Variants in FILIP1L observed in about 807,000 individuals in gnomAD.
FILIP1L encodes filamin A-interacting protein 1-like.
In FILIP1L, 55 loss-of-function variants were observed where a neutral mutation model predicts 96.6. That is an observed-to-expected ratio of 0.57 (90% confidence interval 0.46 to 0.71). FILIP1L has a LOEUF of 0.71. Among genes scored for constraint, FILIP1L ranks in the 30% least tolerant of loss-of-function variants. The pLI, the probability that FILIP1L is intolerant of heterozygous loss-of-function variation, is 0.00. For missense variants in FILIP1L, 1,304 were observed against 1,321.2 expected (o/e 0.99, Z 0.20); for synonymous variants, 467 against 473.9 (o/e 0.99, Z 0.19).
chr3:100,082,111 T>A (rs182021796), intron 1 of FILIP1L, among the ~76,000 whole-genome samples: 3 of 152,278 alleles, frequency 2.0e-5, no homozygotes, highest in East Asian at 3.9e-4. Flanking sequence ...TTTAGTTCAG[T>A]TCAGTCTTTA....
intron 4 of FILIP1L, among the ~76,000 whole-genome samples, chr3:99,857,521 T>TG (rs1422738345): frequency 2.2e-4 from 33 of 152,378 alleles, no homozygotes; most frequent in Middle Eastern, 6.8e-3. Flanking sequence ...TGGACAAATA[T>TG]GTTTGTTTAT....
intron 1 of FILIP1L, among the ~76,000 whole-genome samples, chr3:99,973,417 C>T (rs141603710): frequency 0.012 from 1,778 of 152,288 alleles, 19 homozygotes; most frequent in African/African-American, 0.026. Context: ...CTCTTCTAAA[C>T]ATCAAACCAC....
At chr3:100,014,891 C>CTTTTTTTTTTTTTTTTTT (rs1710284139) in intron 1 of FILIP1L, among the ~76,000 whole-genome samples, 17 of 27,220 alleles carry the variant, frequency 6.2e-4, no homozygotes, top group South Asian at 1.5e-3. Flanking sequence ...TTTTTTCTTT[C>CTTTTTTTTTTTTTTTTTT]TTTCTTTTTT....
intron 4 of FILIP1L, among the ~76,000 whole-genome samples, chr3:99,866,737 T>A (rs1005400615): frequency 6.6e-6 from 1 of 152,204 alleles, no homozygotes; most frequent in African/African-American, 2.4e-5. Context: ...CTCTTCCTAG[T>A]TCCTGAGGAT....
chr3:99,897,322 T>C (rs1176562725), intron 4 of FILIP1L, among the ~76,000 whole-genome samples: 5 of 151,970 alleles, frequency 3.3e-5, no homozygotes, highest in Non-Finnish European at 7.4e-5. Context: ...GGAGCCGAGA[T>C]TGCACCATTG....
intron 4 of FILIP1L, among the ~76,000 whole-genome samples, chr3:99,867,789 C>T (rs1268931822): frequency 6.6e-6 from 1 of 152,104 alleles, no homozygotes; most frequent in Admixed American, 6.6e-5. Context: ...TTTTATGGCT[C>T]ATCAAGTCTC....
At chr3:100,064,194 G>A (rs1293938305) in intron 1 of FILIP1L, among the ~76,000 whole-genome samples, 5 of 152,174 alleles carry the variant, frequency 3.3e-5, no homozygotes, top group Admixed American at 1.3e-4. Context: ...GTTGTCTTCC[G>A]GGAATGTATT....
chr3:99,903,471 C>T (rs1268245900), intron 4 of FILIP1L, among the ~76,000 whole-genome samples: 10 of 152,118 alleles, frequency 6.6e-5, no homozygotes, highest in Admixed American at 2.6e-4. Context: ...AGGCTGGTCT[C>T]GAACCCCTGA....
chr3:99,832,621 T>C (rs2107487020), intron 5 of FILIP1L, among the ~76,000 whole-genome samples: 1 of 142,192 alleles, frequency 7.0e-6, no homozygotes, highest in Non-Finnish European at 1.5e-5. Context: ...GGCGGGCGGA[T>C]CACTTGAGGT....
intron 5 of FILIP1L, among the ~76,000 whole-genome samples, chr3:99,837,451 A>C (rs958717539): frequency 2.0e-5 from 3 of 151,984 alleles, no homozygotes; most frequent in Admixed American, 1.3e-4. Flanking sequence ...AAAAAAAAAA[A>C]CAGCCAAACC....
Position 99,924,222 on chromosome 3 carries a change from AG to A in FILIP1L, c.605+7del, listed in dbSNP as rs1388851920. ...GAATGGGACATTGTTTGCCCAAAGC[AG>A]CCTTACCTTTCACATTCCTGTTCTA... is the stretch of plus-strand genomic sequence containing the variant. On this transcript the variant is annotated splice_region_variant and intron_variant, in intron 4 of 5. Coordinates refer to ENST00000477258, the MANE Select transcript of FILIP1L (RefSeq NM_001387850.1). 1.1e-5 allele frequency: 17 copies of A among 1,610,646 alleles called. No individual in the cohort carries two copies. The highest frequency in any genetic ancestry group is 1.3e-5 in the Non-Finnish European group (15 of 1,178,322).
In FILIP1L at chr3:100,085,964, T is replaced by C. The variant is rs181228428; in HGVS notation, c.-11+28089A>G. 2.9e-4 allele frequency among the ~76,000 whole-genome samples: 44 copies of C among 152,342 alleles called. No homozygotes were observed. In the East Asian group the frequency reaches 8.5e-3, roughly 29 times the overall value. On this transcript the variant is annotated intron_variant, in intron 1 of 5. Transcript: ENST00000477258. ...AGGTCACCACTTTTAATATAGAGGG[T>C]CATGAGTTTAGTCATTGGACAAGTT...
intron 1 of FILIP1L, among the ~76,000 whole-genome samples, chr3:100,091,040 C>T (rs2066095684): frequency 6.6e-6 from 1 of 152,168 alleles, no homozygotes; most frequent in Non-Finnish European, 1.5e-5. Context: ...AATCCCAGAA[C>T]TTTGGGAGGC....
chr3:99,863,376 C>T (rs1944356012), intron 4 of FILIP1L, among the ~76,000 whole-genome samples: 1 of 152,142 alleles, frequency 6.6e-6, no homozygotes. Flanking sequence ...GTCTTCGGCC[C>T]TGGGGTTGGG....
intron 1 of FILIP1L, among the ~76,000 whole-genome samples, chr3:100,003,085 G>A (rs1179689768): frequency 6.6e-6 from 1 of 152,072 alleles, no homozygotes; most frequent in Non-Finnish European, 1.5e-5. Flanking sequence ...CACATACTGA[G>A]GTACTGCCAT....
intron 1 of FILIP1L, among the ~76,000 whole-genome samples, chr3:99,971,396 A>G (rs1708818374): frequency 6.6e-6 from 1 of 151,812 alleles, no homozygotes; most frequent in Non-Finnish European, 1.5e-5. Context: ...CCACACAAGG[A>G]AAGAAGTCCA....
chr3:99,997,072 C>G (rs1369309704), intron 1 of FILIP1L, among the ~76,000 whole-genome samples: 1 of 152,044 alleles, frequency 6.6e-6, no homozygotes, highest in South Asian at 2.1e-4. Context: ...CCTAACATCA[C>G]AAACTAAACC....
chr3:100,049,214 G>A (rs898041524), intron 1 of FILIP1L, among the ~76,000 whole-genome samples: 3 of 152,060 alleles, frequency 2.0e-5, no homozygotes, highest in East Asian at 1.9e-4. Context: ...ATAGAAACGT[G>A]GCAATAAATC....
chr3:99,837,431 A>G (rs1942946222), intron 5 of FILIP1L, among the ~76,000 whole-genome samples: 1 of 151,480 alleles, frequency 6.6e-6, no homozygotes. Context: ...CTAGTTAAAG[A>G]GAAGAGAGAA....
Sources: gnomAD v4.1 joint callset for allele counts (sites outside exome capture counted in the v4.1 genomes callset) on GRCh38, gnomAD v4.1.1 for gene constraint, MANE v1.5 for transcripts, NCBI Gene and HGNC (gene_info 2026-07-23, HGNC 2026-07-21) for gene names.